The following ZFPM2 variants were observed in gnomAD, a reference collection of about 807,000 sequenced individuals.
The protein encoded by ZFPM2 is zinc finger protein, FOG family member 2.
In ZFPM2, 20 loss-of-function variants were observed where a neutral mutation model predicts 98.6. That is an observed-to-expected ratio of 0.20 (90% confidence interval 0.14 to 0.29). The LOEUF (loss-of-function observed/expected upper bound fraction) is 0.29, where lower values mean the gene tolerates loss of function less well. Among genes scored for constraint, ZFPM2 ranks in the 10% least tolerant of loss-of-function variants. The probability of loss-of-function intolerance (pLI) is 1.00; values close to 1 mark genes in which losing one functional copy is unlikely to be tolerated. For missense variants in ZFPM2, 1,310 were observed against 1,388.6 expected (o/e 0.94, Z 0.90); for synonymous variants, 518 against 502.7 (o/e 1.03, Z -0.41).
At chr8:105,649,346 C>A (rs1223647946) in intron 5 of ZFPM2, among the ~76,000 whole-genome samples, 1 of 152,166 alleles carries the variant, frequency 6.6e-6, no homozygotes, top group Non-Finnish European at 1.5e-5. Flanking sequence ...TTGACTTCCT[C>A]TTTTCCTAAT....
chr8:105,522,605 A>C (rs2130553061), intron 3 of ZFPM2, among the ~76,000 whole-genome samples: 1 of 152,232 alleles, frequency 6.6e-6, no homozygotes, highest in African/African-American at 2.4e-5. Context: ...CCCTGTCTCT[A>C]CTAAAAATAC....
At chr8:105,748,698 A>G (rs996705605) in intron 5 of ZFPM2, among the ~76,000 whole-genome samples, 1 of 151,978 alleles carries the variant, frequency 6.6e-6, no homozygotes, top group Non-Finnish European at 1.5e-5. Context: ...TTGCTCCTTA[A>G]TGTAATTTTG....
chr8:105,489,617 C>T (rs1187435093), intron 3 of ZFPM2, among the ~76,000 whole-genome samples: 1 of 151,262 alleles, frequency 6.6e-6, no homozygotes, highest in African/African-American at 2.4e-5. Context: ...GTGCATGCCA[C>T]CATGCCTGGC....
chr8:105,412,554 A>G (rs182812541), intron 1 of ZFPM2, among the ~76,000 whole-genome samples: 1 of 151,842 alleles, frequency 6.6e-6, no homozygotes, highest in Non-Finnish European at 1.5e-5. Flanking sequence ...ATGAAAAAAA[A>G]TCAACATTCT....
intron 5 of ZFPM2, among the ~76,000 whole-genome samples, chr8:105,659,641 CA>C (rs1469484861): frequency 2.6e-5 from 4 of 152,114 alleles, no homozygotes; most frequent in Non-Finnish European, 5.9e-5. Context: ...AGTTAAATCA[CA>C]AAATACATTT....
At chr8:105,361,237 T>C (rs994286068) in intron 1 of ZFPM2, among the ~76,000 whole-genome samples, 3 of 139,028 alleles carry the variant, frequency 2.2e-5, no homozygotes, top group Non-Finnish European at 4.7e-5. Context: ...ACGGTGAGCA[T>C]TTTTTCATGT....
chr8:105,441,814 T>C (rs531858204), intron 2 of ZFPM2, among the ~76,000 whole-genome samples: 1 of 152,096 alleles, frequency 6.6e-6, no homozygotes, highest in African/African-American at 2.4e-5. Context: ...TTTCATCACA[T>C]AGTTTCTGGA....
At chr8:105,671,329 T>C (rs924886331) in intron 5 of ZFPM2, among the ~76,000 whole-genome samples, 1 of 151,894 alleles carries the variant, frequency 6.6e-6, no homozygotes, top group Non-Finnish European at 1.5e-5. Context: ...TCTTCCATTT[T>C]ATATTTAAAT....
chr8:105,476,227 C>T (rs1813009962), intron 3 of ZFPM2, among the ~76,000 whole-genome samples: 1 of 152,178 alleles, frequency 6.6e-6, no homozygotes, highest in Non-Finnish European at 1.5e-5. Flanking sequence ...CCCCTAGGCC[C>T]CAGACAGGTA....
intron 3 of ZFPM2, among the ~76,000 whole-genome samples, chr8:105,540,231 T>C (rs1814546653): frequency 6.6e-6 from 1 of 152,130 alleles, no homozygotes; most frequent in South Asian, 2.1e-4. Context: ...AGCTGAAAGA[T>C]ATTCAGAGGG....
intron 4 of ZFPM2, among the ~76,000 whole-genome samples, chr8:105,620,890 T>C (rs909892811): frequency 6.6e-6 from 1 of 152,218 alleles, no homozygotes; most frequent in Non-Finnish European, 1.5e-5. Flanking sequence ...CATTGGTCTA[T>C]ATCTCTGTTT....
At chr8:105,606,991 G>A (rs1186872624) in intron 4 of ZFPM2, among the ~76,000 whole-genome samples, 1 of 152,070 alleles carries the variant, frequency 6.6e-6, no homozygotes, top group Non-Finnish European at 1.5e-5. Context: ...GCTGTCCTTG[G>A]ATTCAATAAG....
At chr8:105,444,486 G>A in intron 3 of ZFPM2, 105 bp downstream of exon 3, 1 of 714,804 alleles carries the variant, frequency 1.4e-6, no homozygotes. Context: ...GTTTTTGTGT[G>A]TGCTGGTTAC....
intron 3 of ZFPM2, among the ~76,000 whole-genome samples, chr8:105,557,497 CTAAG>C (rs1397975240): frequency 6.6e-6 from 1 of 152,126 alleles, no homozygotes; most frequent in Non-Finnish European, 1.5e-5. Flanking sequence ...GCTCATGTGC[CTAAG>C]TGAGATACCT....
chr8:105,708,022 C>T (rs1811301707), intron 5 of ZFPM2, among the ~76,000 whole-genome samples: 1 of 152,136 alleles, frequency 6.6e-6, no homozygotes, highest in Admixed American at 6.5e-5. Flanking sequence ...TGGTTCCACC[C>T]TAACTGCGAG....
intron 5 of ZFPM2, chr8:105,785,138 G>A (rs536648359): frequency 6.6e-6 from 1 of 152,046 alleles, no homozygotes; most frequent in African/African-American, 2.4e-5. Context: ...AGCATCCATG[G>A]TCAATTAGAA....
intron 3 of ZFPM2, among the ~76,000 whole-genome samples, chr8:105,456,174 T>TTTTTTTTTTTTTTTTTTTTTTG (rs1812589723): frequency 6.7e-6 from 1 of 149,688 alleles, no homozygotes; most frequent in Non-Finnish European, 1.5e-5. Context: ...GTTTGTTTTT[T>TTTTTTTTTTTTTTTTTTTTTTG]TTTTAAGAAG....
chr8:105,752,653 A>G (rs1345046814), intron 5 of ZFPM2, among the ~76,000 whole-genome samples: 2 of 152,040 alleles, frequency 1.3e-5, no homozygotes, highest in Non-Finnish European at 2.9e-5. Context: ...AAAATTAACC[A>G]CCTTATTTGA....
At chr8:105,499,622 A>G (rs1231147208) in intron 3 of ZFPM2, among the ~76,000 whole-genome samples, 1 of 152,188 alleles carries the variant, frequency 6.6e-6, no homozygotes, top group East Asian at 1.9e-4. Context: ...ACTTTCCACA[A>G]CTTTTCTTTC....
Sources: gnomAD v4.1 joint callset for allele counts (sites outside exome capture counted in the v4.1 genomes callset) on GRCh38, gnomAD v4.1.1 for gene constraint, MANE v1.5 for transcripts, NCBI Gene and HGNC (gene_info 2026-07-23, HGNC 2026-07-21) for gene names.